The following CSMD1 variants were observed in gnomAD, a reference collection of about 807,000 sequenced individuals.
The protein encoded by CSMD1 is CUB and Sushi multiple domains 1, also known as CUB and sushi domain-containing protein 1.
A neutral mutation model predicts 417.5 loss-of-function variants in CSMD1; 213 were observed. That is an observed-to-expected ratio of 0.51 (90% CI 0.46 to 0.57). The LOEUF (loss-of-function observed/expected upper bound fraction) is 0.57, where lower values mean the gene tolerates loss of function less well. Ranked by LOEUF, CSMD1 falls within the 20% of genes least tolerant of loss-of-function variation. CSMD1 has a pLI of 0.00. For synonymous variants in CSMD1, 2,862 were observed against 1,736.8 expected, an observed-to-expected ratio of 1.65 and a Z score of -16.11; for missense variants, 6,923 against 4,529.7, an observed-to-expected ratio of 1.53 and a Z score of -15.17.
Position 3,187,308 on chromosome 8 carries a change from C to A in CSMD1, c.5620+561G>T, listed in dbSNP as rs141497284. ...AGCAAAATTGAGATTGAATGACGCT[C>A]GAGGGCAATGGGAAGGGAAGACTTG... On this transcript the variant is annotated intron_variant, in intron 36 of 69. Transcript: ENST00000635120. 2.2e-3 allele frequency among the ~76,000 whole-genome samples: 333 copies of A among 152,190 alleles called. 3 individuals are homozygous for A. Among genetic ancestry groups the A allele is most frequent in the African/African-American group, 7.6e-3 (317 of 41,530 alleles).
intron 3 of CSMD1, among the ~76,000 whole-genome samples, chr8:4,403,633 T>C (rs148855421): frequency 4.5e-4 from 68 of 152,292 alleles, no homozygotes; most frequent in African/African-American, 1.6e-3. Context: ...CTGGTCTACT[T>C]AGTCGGTGTT....
chr8:4,888,394 CTTAT>C (rs1803890255), intron 1 of CSMD1, among the ~76,000 whole-genome samples: 1 of 151,758 alleles, frequency 6.6e-6, no homozygotes, highest in African/African-American at 2.4e-5. Context: ...TGTATATTTT[CTTAT>C]TTCCCATTCT....
chr8:2,961,858 T>C (rs1482479736), intron 61 of CSMD1, among the ~76,000 whole-genome samples: 4 of 152,194 alleles, frequency 2.6e-5, no homozygotes, highest in African/African-American at 7.2e-5. Flanking sequence ...AGTGTAGAGA[T>C]AGCTACTGTA....
chr8:4,107,768 G>A (rs564029159), intron 3 of CSMD1, among the ~76,000 whole-genome samples: 5 of 152,286 alleles, frequency 3.3e-5, no homozygotes, highest in African/African-American at 9.6e-5. Context: ...ATGACTGCAC[G>A]AGGCTGTCAC....
At chr8:3,560,141 T>C (rs566720292) in intron 10 of CSMD1, among the ~76,000 whole-genome samples, 5 of 152,246 alleles carry the variant, frequency 3.3e-5, no homozygotes, top group East Asian at 3.9e-4. Context: ...TCAGCAAAGT[T>C]GATTATATAA....
intron 25 of CSMD1, among the ~76,000 whole-genome samples, chr8:3,296,487 T>C (rs1434653719): frequency 6.6e-6 from 1 of 152,000 alleles, no homozygotes; most frequent in Non-Finnish European, 1.5e-5. Flanking sequence ...ATGCGGGATT[T>C]TAAGGATGAT....
Position 3,367,124 on chromosome 8 carries a change from A to G in CSMD1, c.3023T>C (p.Ile1008Thr). Reference protein sequence around the residue: ...RLTGSVLPHTIKAGLFGNFTA... With the variant: ...RLTGSVLPHTTKAGLFGNFTA... ...GAAGTTTCCAAACAGGCCTGCCTTG[A>G]TCGTATGAGGCAACACCGACCCGGT... Residue 1008 changes from isoleucine (I) to threonine (T), a missense_variant, in exon 20 of 70, where the codon ATC (isoleucine) becomes ACC (threonine). Ile to Thr is a moderately conservative substitution (Grantham distance 89, BLOSUM62 -1). Transcript: ENST00000635120. 6.2e-7 allele frequency: 1 copy of G among 1,613,798 alleles called. No homozygotes were observed. The highest frequency in any genetic ancestry group is 1.1e-5 in the South Asian group (1 of 91,026).
chr8:4,739,669 T>G (rs915892396), intron 1 of CSMD1, among the ~76,000 whole-genome samples: 7 of 152,158 alleles, frequency 4.6e-5, no homozygotes, highest in African/African-American at 1.2e-4. Flanking sequence ...AGTCCACACT[T>G]TGTGTCTATC....
chr8:4,334,152 T>C (rs1047728863), intron 3 of CSMD1, among the ~76,000 whole-genome samples: 5 of 152,094 alleles, frequency 3.3e-5, no homozygotes, highest in African/African-American at 1.2e-4. Context: ...AGATATCCTC[T>C]GGCCTCAGCT....
intron 3 of CSMD1, among the ~76,000 whole-genome samples, chr8:4,119,592 A>T (rs573982315): frequency 3.1e-4 from 1 of 3,190 alleles, no homozygotes; most frequent in Non-Finnish European, 0.014. Context: ...GTGTTCTTCT[A>T]TCTAGGGAGG....
At chr8:4,283,262 C>A (rs1441834724) in intron 3 of CSMD1, among the ~76,000 whole-genome samples, 1 of 152,118 alleles carries the variant, frequency 6.6e-6, no homozygotes, top group Non-Finnish European at 1.5e-5. Context: ...TAGATGAAGA[C>A]TTTTAATGCA....
rs1392563139 is a variant in CSMD1, at chr8:3,889,474, TATATATATATATATATATAA to T, written c.818+108409_818+108428del. ...TTCCATATATATATATATATATATA[TATATATATATATATATATAA>T]AATATGCTCATTAGGTCATGATATA... On this transcript the variant is annotated intron_variant, in intron 5 of 69. Coordinates refer to ENST00000635120, the MANE Select transcript of CSMD1 (RefSeq NM_033225.6). 5.1e-4 allele frequency among the ~76,000 whole-genome samples: 55 copies of T among 107,848 alleles called. 2 individuals are homozygous for T. Among genetic ancestry groups the T allele is most frequent in the African/African-American group, 1.5e-3 (42 of 28,910 alleles). The allele number at this position is 107,848 out of a possible 152,430, so 70.8% of individuals were successfully genotyped here. A position where few individuals can be genotyped will look rare whatever the true frequency, so the allele number is the denominator to read the frequency against.
intron 49 of CSMD1, among the ~76,000 whole-genome samples, chr8:3,055,323 G>A (rs1418779259): frequency 1.3e-5 from 2 of 152,076 alleles, no homozygotes. Flanking sequence ...TCAACAACCG[G>A]GAATCTTTTT....
At chr8:2,983,211 G>C (rs1805575815) in intron 54 of CSMD1, among the ~76,000 whole-genome samples, 1 of 151,310 alleles carries the variant, frequency 6.6e-6, no homozygotes, top group African/African-American at 2.4e-5. Flanking sequence ...TTTTGAGATG[G>C]AGTCTTGCTC....
At chr8:4,751,396 G>A (rs543654981) in intron 1 of CSMD1, among the ~76,000 whole-genome samples, 1 of 151,196 alleles carries the variant, frequency 6.6e-6, no homozygotes, top group South Asian at 2.1e-4. Context: ...GTCTCAGGGG[G>A]GGTGGCGGGG....
chr8:4,628,040 A>T (rs1464926831), intron 2 of CSMD1, among the ~76,000 whole-genome samples: 2 of 152,034 alleles, frequency 1.3e-5, no homozygotes, highest in African/African-American at 4.8e-5. Flanking sequence ...CTGGGACAAA[A>T]AAATCACCCC....
chr8:4,308,655 T>C (rs776671038), intron 3 of CSMD1, among the ~76,000 whole-genome samples: 18 of 152,204 alleles, frequency 1.2e-4, no homozygotes, highest in Non-Finnish European at 2.2e-4. Flanking sequence ...CCAAGAACAG[T>C]TTATAAGAGG....
chr8:4,361,769 C>G (rs572320610), intron 3 of CSMD1, among the ~76,000 whole-genome samples: 1 of 152,100 alleles, frequency 6.6e-6, no homozygotes, highest in African/African-American at 2.4e-5. Context: ...TCCTGGCTAA[C>G]ACGGTGAAAC....
chr8:4,442,816 C>G (rs188293734), intron 2 of CSMD1, among the ~76,000 whole-genome samples: 2 of 152,134 alleles, frequency 1.3e-5, no homozygotes, highest in Admixed American at 6.5e-5. Flanking sequence ...ATTTCTAAAA[C>G]TGAAATATGT....
Sources: allele counts gnomAD v4.1 joint callset (sites outside exome capture counted in the v4.1 genomes callset), GRCh38; gene constraint gnomAD v4.1.1; transcripts MANE v1.5; gene names NCBI Gene and HGNC (gene_info 2026-07-23, HGNC 2026-07-21).